Variants in XPO1 observed in about 807,000 individuals in gnomAD.
The protein encoded by XPO1 is exportin-1.
Under a neutral mutation model 133.3 loss-of-function variants are expected in XPO1, and 5 were observed. That is an observed-to-expected ratio of 0.04 (90% CI 0.02 to 0.08). The LOEUF is 0.08. Ranked by LOEUF, XPO1 falls within the 10% of genes least tolerant of loss-of-function variation. XPO1 has a pLI of 1.00. For missense variants in XPO1, 506 were observed against 1,267.5 expected (o/e 0.40, Z 9.12); for synonymous variants, 419 against 408.2 (o/e 1.03, Z -0.32).
chr2:61,521,532 C>G (rs992089011), intron 4 of XPO1, among the ~76,000 whole-genome samples: 4 of 152,156 alleles, frequency 2.6e-5, no homozygotes, highest in Admixed American at 6.5e-5. Flanking sequence ...AATGTTGCCT[C>G]AGGTTTCTCA....
chr2:61,515,937 CCACACACACACACACA>C (rs35237510), intron 4 of XPO1, among the ~76,000 whole-genome samples: 7 of 110,754 alleles, frequency 6.3e-5, no homozygotes, highest in East Asian at 4.5e-4. Context: ...AAAAAAAAAA[CCACACACACACACACA>C]CACACACACA....
chr2:61,525,647 T>G, intron 3 of XPO1: 1 of 1,023,322 alleles, frequency 9.8e-7, no homozygotes, highest in African/African-American at 1.7e-5. Context: ...AACACTGTTA[T>G]GTTACTTAAG....
intron 1 of XPO1, 136 bp from the exon 2 acceptor site, chr2:61,534,039 CTG>C: frequency 8.3e-6 from 7 of 838,778 alleles, no homozygotes; most frequent in African/African-American, 1.8e-5. Context: ...TTACAGAAAA[CTG>C]AGATAGTAAA....
At chr2:61,490,803 G>C (rs771352253) in intron 16 of XPO1, 27 bp from the exon 17 acceptor site, 3 of 1,607,238 alleles carry the variant, frequency 1.9e-6, no homozygotes, top group East Asian at 2.2e-5. Flanking sequence ...ACATTTTAAC[G>C]TTTATGTTAT....
chr2:61,495,763 C>T, intron 10 of XPO1, 150 bp from the exon 11 acceptor site: 1 of 694,096 alleles, frequency 1.4e-6, no homozygotes. Context: ...CCTCCACCTC[C>T]TAGGCCCAAT....
Position 61,484,119 on chromosome 2 carries a change from G to T in XPO1, c.2509-14C>A. ...TTCTTCAAAGTCCTAAAAATAAGTGGTGGAAACAAAATAATGTTTCAGTGT... is the reference window on the plus strand; with the variant it reads ...TTCTTCAAAGTCCTAAAAATAAGTGTTGGAAACAAAATAATGTTTCAGTGT... On this transcript the variant is annotated splice_polypyrimidine_tract_variant and intron_variant, in intron 20 of 24. Coordinates refer to ENST00000401558, the MANE Select transcript of XPO1 (RefSeq NM_003400.4). 1 of 1,605,472 alleles carries T rather than the reference G, an allele frequency of 6.2e-7. No homozygotes were observed.
chr2:61,497,113 T>C (rs929936038), intron 9 of XPO1, 106 bp from the exon 10 acceptor site: 3 of 1,399,332 alleles, frequency 2.1e-6, no homozygotes, highest in African/African-American at 2.9e-5. Context: ...AATATAGGGG[T>C]AGATGTCAAA....
rs763474544 is a variant in XPO1, at chr2:61,488,779, G to GA, written c.2023-9dup. ...TTTCAGTATATCCACATTCTTGGAGGAAAAAAAGCAAATTCCATTTATCAT... is the reference window on the plus strand; with the variant it reads ...TTTCAGTATATCCACATTCTTGGAGGAAAAAAAAGCAAATTCCATTTATCAT... On this transcript the variant is annotated splice_polypyrimidine_tract_variant and intron_variant, in intron 17 of 24. Coordinates refer to ENST00000401558, the MANE Select transcript of XPO1 (RefSeq NM_003400.4). The GA allele has an allele frequency of 3.7e-6, 6 of 1,608,290 alleles. No individual in the cohort carries two copies. The South Asian group carries it at 4.4e-5, about 12-fold the overall frequency.
chr2:61,488,929 G>A (rs1573118070), intron 17 of XPO1, among the ~76,000 whole-genome samples, 158 bp from the exon 18 acceptor site: 3 of 152,114 alleles, frequency 2.0e-5, no homozygotes, highest in South Asian at 2.1e-4. Flanking sequence ...GTGAAACCCC[G>A]TCTCTACTAA....
chr2:61,480,234 ATTAAG>A (rs954808335), intron 24 of XPO1: 21 of 151,834 alleles, frequency 1.4e-4, no homozygotes, highest in Non-Finnish European at 8.8e-5. Flanking sequence ...CTGTCATTAA[ATTAAG>A]TTTAGTTATA....
chr2:61,495,414 G>A (rs772597708), intron 11 of XPO1, 41 bp downstream of exon 11: 1 of 1,470,054 alleles, frequency 6.8e-7, no homozygotes, highest in South Asian at 1.5e-5. Context: ...TTATTAGTAG[G>A]CAGAGCAGAA....
chr2:61,502,274 G>A lies in XPO1; in HGVS notation c.338C>T (p.Thr113Met), dbSNP rs749929742. The stretch of plus-strand genomic sequence containing the variant: ...CTCTACACAAGTTGGGTCAGATGAC[G>A]TCTTGATAATGAGGCCAACAACGTA... Reference protein sequence around the residue: ...KKYVVGLIIKTSSDPTCVEKE... With the variant: ...KKYVVGLIIKMSSDPTCVEKE... The change falls in exon 5 of 25, where the codon ACG becomes ATG. Residue 113 changes from threonine (T) to methionine (M), a missense_variant. By Grantham distance (81) the Thr-to-Met change is moderately conservative. Around this residue, in one of 6 missense-constraint regions of XPO1, gnomAD observed 68 missense variants for 210.5 expected, o/e 0.32. Coordinates refer to ENST00000401558, the MANE Select transcript of XPO1 (RefSeq NM_003400.4). The A allele has an allele frequency of 1.7e-5, 27 of 1,613,302 alleles. No homozygotes were observed. Among genetic ancestry groups the A allele is most frequent in the East Asian group, 2.2e-5 (1 of 44,868 alleles).
intron 9 of XPO1, 55 bp from the exon 10 acceptor site, chr2:61,497,062 C>A: frequency 1.9e-6 from 3 of 1,549,942 alleles, no homozygotes; most frequent in Non-Finnish European, 2.6e-6. Flanking sequence ...ACACACTTTA[C>A]TTAAAATTCA....
At chr2:61,482,634 C>G (rs1318734106) in intron 22 of XPO1, 95 bp from the exon 23 acceptor site, 12 of 1,146,522 alleles carry the variant, frequency 1.0e-5, no homozygotes, top group Non-Finnish European at 1.3e-5. Flanking sequence ...TAGACGGAGT[C>G]TCGCTCTGTC....
intron 1 of XPO1, chr2:61,536,117 G>A (rs932297076): frequency 2.6e-5 from 4 of 152,332 alleles, no homozygotes; most frequent in Admixed American, 2.0e-4. Flanking sequence ...CTAGACTGAT[G>A]TGAAAAACGA....
intron 22 of XPO1, 39 bp from the exon 23 acceptor site, chr2:61,482,578 T>C: frequency 6.6e-7 from 1 of 1,504,022 alleles, no homozygotes; most frequent in Non-Finnish European, 9.0e-7. Flanking sequence ...CAAAATGTAA[T>C]ATAACTATAG....
chr2:61,483,225 G>T (rs1696490255), intron 21 of XPO1, 134 bp from the exon 22 acceptor site: 2 of 906,340 alleles, frequency 2.2e-6, no homozygotes, highest in Non-Finnish European at 3.3e-6. Flanking sequence ...ATAATTACTT[G>T]CATAAGGTTT....
chr2:61,482,337 GCCC>G lies in XPO1; in HGVS notation c.2972+40_2972+42del, dbSNP rs1336686686. 6.5e-6 allele frequency: 10 copies of G among 1,538,690 alleles called. No individual in the cohort carries two copies. The South Asian group carries it at 1.3e-4, about 19-fold the overall frequency. On this transcript the variant is annotated intron_variant, in intron 23 of 24. Coordinates refer to ENST00000401558, the MANE Select transcript of XPO1 (RefSeq NM_003400.4). ...TGGGATTACAGGTGTGAGCCACTGTGCCCGACCAGGAACATTCTACGTTTATTA... is the reference window on the plus strand; with the variant it reads ...TGGGATTACAGGTGTGAGCCACTGTGGACCAGGAACATTCTACGTTTATTA...
intron 7 of XPO1, 98 bp downstream of exon 7, chr2:61,499,615 C>T (rs1367467161): frequency 2.5e-6 from 3 of 1,176,954 alleles, no homozygotes; most frequent in African/African-American, 3.1e-5. Context: ...TAACATATTA[C>T]TGATCATAGT....
Sources: gnomAD v4.1 joint callset for allele counts (sites outside exome capture counted in the v4.1 genomes callset) on GRCh38, gnomAD v4.1.1 for gene constraint, gnomAD v4.1.1 regional missense constraint, MANE v1.5 for transcripts, NCBI Gene and HGNC (gene_info 2026-07-23, HGNC 2026-07-21) for gene names.